The following BMP1 variants were observed in gnomAD, a reference collection of about 807,000 sequenced individuals.
BMP1 encodes the protein bone morphogenetic protein 1, also known as mammalian tolloid protein.
A neutral mutation model predicts 116.8 loss-of-function variants in BMP1; 63 were observed. The observed-to-expected ratio is 0.54, with a 90% CI of 0.44 to 0.67. The LOEUF is 0.67. Among genes scored for constraint, BMP1 ranks in the 30% least tolerant of loss-of-function variants. The probability of loss-of-function intolerance (pLI) is 0.00; values close to 1 mark genes in which losing one functional copy is unlikely to be tolerated. For synonymous variants in BMP1, 536 were observed against 533.4 expected (o/e 1.00, Z -0.07); for missense variants, 1,183 against 1,358.9 (o/e 0.87, Z 2.04).
chr8:22,212,096 T>A lies in BMP1; in HGVS notation c.*368T>A, dbSNP rs144847341. 965 of 227,214 alleles carry A rather than the reference T, an allele frequency of 4.2e-3. 6 individuals are homozygous for A. Among genetic ancestry groups the A allele is most frequent in the African/African-American group, 0.019 (886 of 45,546 alleles). 14.1% of individuals were successfully genotyped at this position (227,214 alleles called of 1,614,324 possible). ...GTATCACCGGGGGCATTATTTTCAT[T>A]GTAATGTTCATTTCCCACCCCTGCT... is the stretch of plus-strand genomic sequence containing the variant. On this transcript the variant is annotated 3_prime_UTR_variant, in exon 20 of 20. Transcript: ENST00000306385.
At chr8:22,178,333 A>T (rs1310798625) in intron 6 of BMP1, among the ~76,000 whole-genome samples, 1 of 152,208 alleles carries the variant, frequency 6.6e-6, no homozygotes, top group South Asian at 2.1e-4. Context: ...TCTGTCACCT[A>T]GGCTGGAGTG....
At chr8:22,210,462 T>TCACACA (rs1472007247) in intron 19 of BMP1, among the ~76,000 whole-genome samples, 3 of 90,986 alleles carry the variant, frequency 3.3e-5, no homozygotes, top group African/African-American at 2.4e-4. Flanking sequence ...TCTCTCTCTC[T>TCACACA]CTCTCTCACA....
At chr8:22,188,870 G>T (rs999297022) in intron 8 of BMP1, among the ~76,000 whole-genome samples, 3 of 152,216 alleles carry the variant, frequency 2.0e-5, no homozygotes, top group African/African-American at 7.2e-5. Context: ...ATGAAGGAAA[G>T]CGGGCGCTTG....
chr8:22,199,504 G>C (rs1829196982), intron 15 of BMP1: 1 of 1,038,798 alleles, frequency 9.6e-7, no homozygotes, highest in Non-Finnish European at 1.2e-6. Flanking sequence ...CACTGAAGCA[G>C]CCTTCCTCAG....
intron 8 of BMP1, among the ~76,000 whole-genome samples, chr8:22,183,591 AATT>A (rs10687529): frequency 0.034 from 4,983 of 146,932 alleles, 224 homozygotes; most frequent in African/African-American, 0.11. Flanking sequence ...GTATGTGTTA[AATT>A]ATTATTATTA....
intron 9 of BMP1, among the ~76,000 whole-genome samples, chr8:22,193,849 T>C (rs900688272): frequency 1.3e-5 from 2 of 152,204 alleles, no homozygotes; most frequent in Non-Finnish European, 2.9e-5. Flanking sequence ...TAGACTCATA[T>C]CCTATCCCTC....
intron 8 of BMP1, among the ~76,000 whole-genome samples, chr8:22,184,140 A>G (rs549030699): frequency 1.3e-4 from 20 of 152,378 alleles, no homozygotes; most frequent in African/African-American, 4.3e-4. Flanking sequence ...GCACTGGGTC[A>G]GCCACCAGGG....
rs1829429067 is a variant in BMP1 at position 22,209,793 on chromosome 8, A to G, written c.2826+98A>G. On this transcript the variant is annotated intron_variant, in intron 19 of 19. Transcript: ENST00000306385. ...AGTCTCCAAGACCTAGCGCCCACAC[A>G]GGCCCCGGAAGTTGAGTGCAGCACG... 2.9e-6 allele frequency: 4 copies of G among 1,373,114 alleles called. No homozygotes were observed. The South Asian group carries it at 4.0e-5, about 14-fold the overall frequency. The allele number at this position is 1,373,114 out of a possible 1,614,324, so 85.1% of individuals were successfully genotyped here. A position where few individuals can be genotyped will look rare whatever the true frequency, so the allele number is the denominator to read the frequency against.
intron 8 of BMP1, among the ~76,000 whole-genome samples, chr8:22,188,625 G>T (rs920712930): frequency 6.6e-5 from 10 of 152,234 alleles, no homozygotes; most frequent in Non-Finnish European, 1.2e-4. Context: ...ACAGAAGCCA[G>T]TACAACTCTT....
At chr8:22,189,326 G>A (rs868610997) in intron 8 of BMP1, among the ~76,000 whole-genome samples, 6 of 151,760 alleles carry the variant, frequency 4.0e-5, no homozygotes, top group Non-Finnish European at 8.8e-5. Flanking sequence ...TGTGGTCGCC[G>A]TTCCATGCCA....
intron 1 of BMP1, among the ~76,000 whole-genome samples, chr8:22,172,805 C>T (rs965094452): frequency 3.3e-5 from 5 of 151,660 alleles, no homozygotes; most frequent in Admixed American, 6.6e-5. Context: ...TTTATAGAGA[C>T]GGGGTTTCAC....
chr8:22,204,422 G>A (rs1245597237), intron 16 of BMP1, among the ~76,000 whole-genome samples: 2 of 152,166 alleles, frequency 1.3e-5, no homozygotes, highest in Non-Finnish European at 2.9e-5. Context: ...ATGATCATCA[G>A]CTTGTAAATC....
At chr8:22,167,540 T>A (rs1466256483) in intron 1 of BMP1, among the ~76,000 whole-genome samples, 3 of 152,058 alleles carry the variant, frequency 2.0e-5, no homozygotes, top group Non-Finnish European at 4.4e-5. Context: ...GTCTTTCCCT[T>A]CTTGTTGGAA....
At chr8:22,202,111 C>T (rs1382922098) in intron 16 of BMP1, among the ~76,000 whole-genome samples, 183 bp downstream of exon 16, 2 of 152,238 alleles carry the variant, frequency 1.3e-5, no homozygotes, top group East Asian at 3.8e-4. Flanking sequence ...GCCACACGCT[C>T]ACTTCTGTTG....
At chr8:22,167,646 T>G (rs1444076161) in intron 1 of BMP1, among the ~76,000 whole-genome samples, 1 of 152,104 alleles carries the variant, frequency 6.6e-6, no homozygotes. Context: ...GAGCTTCAAG[T>G]AAGGGCTCTG....
At chr8:22,180,659 C>T (rs985634989) in intron 8 of BMP1, among the ~76,000 whole-genome samples, 176 bp downstream of exon 8, 11 of 152,134 alleles carry the variant, frequency 7.2e-5, no homozygotes, top group African/African-American at 2.2e-4. Flanking sequence ...TGGCATTCAC[C>T]GCCTTCCCTG....
intron 8 of BMP1, 103 bp from the exon 9 acceptor site, chr8:22,191,946 G>T (rs1417105163): frequency 4.8e-6 from 5 of 1,041,276 alleles, no homozygotes; most frequent in Non-Finnish European, 7.2e-6. Flanking sequence ...CTCGCCCAGG[G>T]GGACCTGCCT....
chr8:22,199,033 G>T, intron 15 of BMP1: 1 of 1,342,964 alleles, frequency 7.4e-7, no homozygotes, highest in East Asian at 4.6e-5. Flanking sequence ...CTTGGAGGGG[G>T]CAGGGGACCG....
At chr8:22,178,555 C>T (rs1828521515) in intron 6 of BMP1, among the ~76,000 whole-genome samples, 1 of 146,514 alleles carries the variant, frequency 6.8e-6, no homozygotes, top group Non-Finnish European at 1.5e-5. Context: ...AGATTACAGG[C>T]GCGAGCCACC....
Sources: gnomAD v4.1 joint callset for allele counts (sites outside exome capture counted in the v4.1 genomes callset) on GRCh38, gnomAD v4.1.1 for gene constraint, MANE v1.5 for transcripts, NCBI Gene and HGNC (gene_info 2026-07-23, HGNC 2026-07-21) for gene names.